Variants in HK2 observed in about 807,000 individuals in gnomAD.
The protein encoded by HK2 is hexokinase 2, also known as hexokinase-2.
HK2 carries 42 observed loss-of-function variants against 92.9 expected under a neutral mutation model. The ratio of observed to expected loss-of-function variants is 0.45; its 90% CI spans 0.35 to 0.58. The LOEUF is 0.58. Ranked by LOEUF, HK2 falls within the 20% of genes least tolerant of loss-of-function variation. The pLI, the probability that HK2 is intolerant of heterozygous loss-of-function variation, is 0.00. For missense variants in HK2, 978 were observed against 1,245.1 expected, an observed-to-expected ratio of 0.79 and a Z score of 3.23; for synonymous variants, 422 against 468.0, an observed-to-expected ratio of 0.90 and a Z score of 1.27.
chr2:74,860,689 G>A (rs1023793406), intron 2 of HK2, among the ~76,000 whole-genome samples: 2 of 152,164 alleles, frequency 1.3e-5, no homozygotes, highest in Non-Finnish European at 2.9e-5. Context: ...GAGTAAAGCT[G>A]CTATGAACAT....
At chr2:74,865,471 G>A (rs941260194) in intron 2 of HK2, among the ~76,000 whole-genome samples, 2 of 152,126 alleles carry the variant, frequency 1.3e-5, no homozygotes, top group Middle Eastern at 3.4e-3. Context: ...GTGCTGATGA[G>A]GCATTTCATC....
intron 2 of HK2, among the ~76,000 whole-genome samples, chr2:74,863,924 G>A (rs753331997): frequency 6.6e-6 from 1 of 152,220 alleles, no homozygotes; most frequent in Non-Finnish European, 1.5e-5. Context: ...GTTTACGGCT[G>A]CATGCCTCAG....
intron 4 of HK2, 150 bp downstream of exon 4, chr2:74,872,569 T>C: frequency 1.8e-6 from 1 of 552,834 alleles, no homozygotes; most frequent in South Asian, 1.5e-5. Flanking sequence ...TGTATGTCGA[T>C]GGGGGGGCTG....
At position 74,885,587 on chromosome 2, in the gene HK2, G is replaced by C; in HGVS notation, c.1933G>C (p.Glu645Gln). The change falls in exon 13 of 18, where the codon GAG (glutamate) becomes CAG (glutamine). Residue 645 changes from glutamate to glutamine, a missense_variant and splice_region_variant. This residue lies in a region of HK2 where 742 missense variants were observed against 922.5 expected (regional missense o/e 0.80). Coordinates refer to ENST00000290573, the MANE Select transcript of HK2 (RefSeq NM_000189.5). ...TLLKEAIHRREEFDLDVVAVV... is the reference protein window; with the variant it reads ...TLLKEAIHRRQEFDLDVVAVV... The stretch of plus-strand genomic sequence containing the variant: ...GCTGAAGGAAGCGATCCACCGGCGA[G>C]AGGTAGGAGACACATGGCACGAGGT... The C allele has an allele frequency of 6.2e-7, 1 of 1,607,048 alleles. No homozygotes were observed. The highest frequency in any genetic ancestry group is 8.5e-7 in the Non-Finnish European group (1 of 1,173,528).
rs116035719 is a variant in HK2 at position 74,872,219 on chromosome 2, C to T, written c.376-81C>T. On this transcript the variant is annotated intron_variant, in intron 3 of 17. Transcript: ENST00000290573. Reference sequence around the variant, plus strand: ...GGTTTTGCACACATTCAGCTAGTTACGTGCTGAGCCTGAAGTGCATGCCCT... The same window carrying T: ...GGTTTTGCACACATTCAGCTAGTTATGTGCTGAGCCTGAAGTGCATGCCCT... 308 of 1,432,652 alleles carry T rather than the reference C, an allele frequency of 2.1e-4. 1 individual carries two copies. In the African/African-American group the frequency reaches 3.8e-3, roughly 18 times the overall value. The allele number at this position is 1,432,652 out of a possible 1,614,324, so 88.7% of individuals were successfully genotyped here.
intron 14 of HK2, 37 bp downstream of exon 14, chr2:74,886,430 ACAGCCTT>A: frequency 6.2e-7 from 1 of 1,613,958 alleles, no homozygotes; most frequent in South Asian, 1.1e-5. Context: ...ATGGGGATGC[ACAGCCTT>A]GGGTGTGGAG....
At chr2:74,835,902 G>A (rs755427523) in intron 1 of HK2, among the ~76,000 whole-genome samples, 1 of 152,098 alleles carries the variant, frequency 6.6e-6, no homozygotes, top group Non-Finnish European at 1.5e-5. Context: ...CCATTCTGGC[G>A]GTCCCGAGGG....
chr2:74,846,421 A>G (rs1688438367), intron 1 of HK2, among the ~76,000 whole-genome samples: 1 of 152,212 alleles, frequency 6.6e-6, no homozygotes. Context: ...TACCTGAACC[A>G]GCCCCGTGTT....
At chr2:74,855,009 T>TA (rs1188203097) in intron 2 of HK2, among the ~76,000 whole-genome samples, 6 of 152,178 alleles carry the variant, frequency 3.9e-5, no homozygotes, top group East Asian at 3.8e-4. Flanking sequence ...TATATATATA[T>TA]TTTTTTGAGA....
chr2:74,870,705 A>G (rs1689077886), intron 3 of HK2, among the ~76,000 whole-genome samples: 1 of 152,138 alleles, frequency 6.6e-6, no homozygotes, highest in Non-Finnish European at 1.5e-5. Flanking sequence ...GAATTTGCTG[A>G]ATATATCCCT....
rs922332596 is a variant in HK2, at chr2:74,865,614, C to T, written c.227-2022C>T. ...CACCCATGGCCATGAGGCAGGCAGG[C>T]TAACCCCAGATGAGGGCGATGTTGC... On this transcript the variant is annotated intron_variant, in intron 2 of 17. Transcript: ENST00000290573. 3.1e-4 allele frequency among the ~76,000 whole-genome samples: 47 copies of T among 152,226 alleles called. 2 individuals carry two copies. The highest frequency in any genetic ancestry group is 1.1e-3 in the African/African-American group (47 of 41,482).
chr2:74,835,254 G>C (rs1489959401), intron 1 of HK2: 1 of 164,448 alleles, frequency 6.1e-6, no homozygotes, highest in Non-Finnish European at 1.3e-5. Flanking sequence ...ACTGAGGCTC[G>C]GCGAGGGGCG....
At chr2:74,853,769 G>T (rs1162788770) in intron 1 of HK2, among the ~76,000 whole-genome samples, 1 of 145,374 alleles carries the variant, frequency 6.9e-6, no homozygotes, top group African/African-American at 2.4e-5. Flanking sequence ...AGGATTTTGA[G>T]CTTTGTTCCA....
chr2:74,861,007 C>A (rs1317083937), intron 2 of HK2, among the ~76,000 whole-genome samples: 2 of 152,198 alleles, frequency 1.3e-5, no homozygotes, highest in African/African-American at 4.8e-5. Context: ...GTAGGCAGCC[C>A]TAATCTGTGC....
chr2:74,852,542 G>C (rs1287391767), intron 1 of HK2, among the ~76,000 whole-genome samples: 1 of 152,198 alleles, frequency 6.6e-6, no homozygotes, highest in Non-Finnish European at 1.5e-5. Context: ...AGATATTGTA[G>C]GAACCAGAGA....
At chr2:74,882,287 A>C in intron 12 of HK2, 48 bp downstream of exon 12, 1 of 1,612,170 alleles carries the variant, frequency 6.2e-7, no homozygotes. Flanking sequence ...TATTGACTCT[A>C]AACAAAACCA....
At chr2:74,887,643 G>A (rs956270354) in intron 15 of HK2, among the ~76,000 whole-genome samples, 1 of 151,962 alleles carries the variant, frequency 6.6e-6, no homozygotes, top group Non-Finnish European at 1.5e-5. Flanking sequence ...CTTTCCCTGT[G>A]GGTTCCTTTC....
intron 1 of HK2, among the ~76,000 whole-genome samples, chr2:74,853,880 A>G (rs1336690233): frequency 6.6e-6 from 1 of 152,102 alleles, no homozygotes; most frequent in Non-Finnish European, 1.5e-5. Flanking sequence ...CGTCCGGGAA[A>G]AAGGTGATGG....
chr2:74,857,292 C>T lies in HK2; in HGVS notation c.226+2837C>T, dbSNP rs149533504. Among the ~76,000 whole-genome samples, 488 of 152,312 alleles carry T rather than the reference C, an allele frequency of 3.2e-3. 10 individuals are homozygous for T. Among genetic ancestry groups the T allele is most frequent in the South Asian group, 0.03 (143 of 4,826 alleles). On this transcript the variant is annotated intron_variant, in intron 2 of 17. Coordinates refer to ENST00000290573, the MANE Select transcript of HK2 (RefSeq NM_000189.5). ...CTGCACATCTACTAGAACTATTGTG[C>T]TAGTCTATTCACACAAACACTTCTG...
Sources: gnomAD v4.1 joint callset for allele counts (sites outside exome capture counted in the v4.1 genomes callset) on GRCh38, gnomAD v4.1.1 for gene constraint, gnomAD v4.1.1 regional missense constraint, MANE v1.5 for transcripts, NCBI Gene and HGNC (gene_info 2026-07-23, HGNC 2026-07-21) for gene names.